The following ZHX3 variants were observed in gnomAD, a reference collection of about 807,000 sequenced individuals.
The protein encoded by ZHX3 is zinc fingers and homeoboxes 3.
In ZHX3, 20 loss-of-function variants were observed where a neutral mutation model predicts 64.5. That is an observed-to-expected ratio of 0.31 (90% CI 0.22 to 0.45). The LOEUF is 0.45. ZHX3 is among the 20% of genes least tolerant of loss of function. The pLI is 1.00. For missense variants in ZHX3, 1,041 were observed against 1,195.8 expected, an observed-to-expected ratio of 0.87 and a Z score of 1.91; for synonymous variants, 423 against 461.6, an observed-to-expected ratio of 0.92 and a Z score of 1.07.
chr20:41,254,923 C>G (rs1183802436), intron 2 of ZHX3, among the ~76,000 whole-genome samples: 3 of 151,974 alleles, frequency 2.0e-5, no homozygotes, highest in Admixed American at 6.6e-5. Context: ...AGGAAAGGTA[C>G]TACAATGGGC....
At chr20:41,205,382 T>C (rs1189851564) in intron 2 of ZHX3, among the ~76,000 whole-genome samples, 1 of 152,186 alleles carries the variant, frequency 6.6e-6, no homozygotes, top group Non-Finnish European at 1.5e-5. Flanking sequence ...TTTTTGGACC[T>C]CCAAATTAAT....
At chr20:41,258,930 A>G (rs1486951483) in intron 2 of ZHX3, among the ~76,000 whole-genome samples, 1 of 152,024 alleles carries the variant, frequency 6.6e-6, no homozygotes, top group African/African-American at 2.4e-5. Flanking sequence ...TCCCCTAACT[A>G]TTTCTGCCAC....
At chr20:41,256,373 T>TC (rs938760509) in intron 2 of ZHX3, among the ~76,000 whole-genome samples, 2 of 151,236 alleles carry the variant, frequency 1.3e-5, no homozygotes, top group African/African-American at 4.9e-5. Flanking sequence ...ATTGAGAATT[T>TC]TTTTATATTC....
In ZHX3 at chr20:41,185,558, T is replaced by C. The variant is rs944340387; in HGVS notation, c.2861-357A>G. ...AGTCCTGTCCTAAAATGCTTCATCC[T>C]GCCCTCTCCTTCCAGGCTCTCCAGA... On this transcript the variant is annotated intron_variant, in intron 3 of 3. Transcript: ENST00000683867. The surrounding 1 kb of genome is among the most constrained non-coding windows in gnomAD (Gnocchi z 5.0). 1.6e-5 allele frequency: 7 copies of C among 429,454 alleles called. No homozygotes were observed. Among genetic ancestry groups the C allele is most frequent in the African/African-American group, 1.4e-4 (7 of 50,524 alleles). 26.6% of individuals were successfully genotyped at this position (429,454 alleles called of 1,614,324 possible). A position where few individuals can be genotyped will look rare whatever the true frequency, so the allele number is the denominator to read the frequency against.
At chr20:41,261,448 C>T (rs1353170531) in intron 2 of ZHX3, among the ~76,000 whole-genome samples, 1 of 152,198 alleles carries the variant, frequency 6.6e-6, no homozygotes, top group Non-Finnish European at 1.5e-5. Context: ...TGCCTCCTGA[C>T]TCCAGAGGGA....
intron 1 of ZHX3, among the ~76,000 whole-genome samples, chr20:41,308,238 G>C (rs1322577589): frequency 6.6e-6 from 1 of 152,182 alleles, no homozygotes; most frequent in Non-Finnish European, 1.5e-5. Context: ...CTTGCAAAAT[G>C]AAAGTTCTGG....
At chr20:41,304,117 T>C (rs758963932) in intron 1 of ZHX3, among the ~76,000 whole-genome samples, 2 of 152,220 alleles carry the variant, frequency 1.3e-5, no homozygotes, top group African/African-American at 4.8e-5. Flanking sequence ...CCATTCTCTC[T>C]TGATCTTCCC....
In ZHX3 at chr20:41,184,156, C is replaced by G. The variant is rs1480296199; in HGVS notation, c.*1035G>C. 1 of 152,214 alleles carries G rather than the reference C, an allele frequency of 6.6e-6. No individual in the cohort carries two copies. The highest frequency in any genetic ancestry group is 1.5e-5 in the Non-Finnish European group (1 of 68,050). 9.4% of individuals were successfully genotyped at this position (152,214 alleles called of 1,614,324 possible). A position where few individuals can be genotyped will look rare whatever the true frequency, so the allele number is the denominator to read the frequency against. On this transcript the variant is annotated 3_prime_UTR_variant, in exon 4 of 4. Coordinates refer to ENST00000683867, the MANE Select transcript of ZHX3 (RefSeq NM_001384317.1). ...TCAACAAATCCCTCCAGCCTTCACC[C>G]TTACTAATGGGCCAGTGTGTTATTC...
In ZHX3 at chr20:41,202,404, C is replaced by T. The variant is rs1159911088; in HGVS notation, c.2513G>A (p.Gly838Glu). The T allele has an allele frequency of 6.2e-6, 10 of 1,614,124 alleles. No individual in the cohort carries two copies. The highest frequency in any genetic ancestry group is 3.3e-5 in the Admixed American group (2 of 60,014). Residue 838 changes from glycine to glutamate, a missense_variant, in exon 3 of 4, where the codon GGG (glycine) becomes GAG (glutamate). Physicochemically the swap from Gly to Glu is moderately conservative, Grantham distance 98. Coordinates refer to ENST00000683867, the MANE Select transcript of ZHX3 (RefSeq NM_001384317.1). The surrounding 1 kb of genome is among the most constrained non-coding windows in gnomAD (Gnocchi z 7.0). Reference sequence around the variant, plus strand: ...GTTGCCAGGGGCAATGACCAGTAGCCCTGGTGGGAAGTTGCCTCGCTTATA... The same window carrying T: ...GTTGCCAGGGGCAATGACCAGTAGCTCTGGTGGGAAGTTGCCTCGCTTATA... ...EDYKRGNFPP[G>E]LLVIAPGNRE...
At position 41,180,427 on chromosome 20, in the gene ZHX3, C is replaced by T. The variant is rs1366475853; in HGVS notation, c.*4764G>A. 1 of 152,324 alleles carries T rather than the reference C, an allele frequency of 6.6e-6. No homozygotes were observed. The highest frequency in any genetic ancestry group is 1.5e-5 in the Non-Finnish European group (1 of 68,130). The allele number at this position is 152,324 out of a possible 1,614,324, so 9.4% of individuals were successfully genotyped here. On this transcript the variant is annotated 3_prime_UTR_variant, in exon 4 of 4. Transcript: ENST00000683867. ...CATCCCCAGCCTCTGGGTTCCCTCC[C>T]CTGCTCTAGACTTCAGGGCAGTTAG...
At position 41,188,934 on chromosome 20, in the gene ZHX3, G is replaced by A. The variant is rs539182070; in HGVS notation, c.2861-3733C>T. ...AAATCGTTGCTCAGACCAATGTCCT[G>A]AAGTGTTCTGCACTGTTTTCTTCTA... On this transcript the variant is annotated intron_variant, in intron 3 of 3. Transcript: ENST00000683867. Among the ~76,000 whole-genome samples, 117 of 152,236 alleles carry A rather than the reference G, an allele frequency of 7.7e-4. 2 individuals are homozygous for A. The highest frequency in any genetic ancestry group is 2.8e-3 in the African/African-American group (115 of 41,546).
In ZHX3 at chr20:41,317,656, G is replaced by A. The variant is rs892145499; in HGVS notation, c.-392C>T. ...CCGGAGCCGCGGACTGCTGAGCGGC[G>A]GGGACGCAGCTGCACCAACCGACTC... On this transcript the variant is annotated 5_prime_UTR_variant, in exon 1 of 4. Coordinates refer to ENST00000683867, the MANE Select transcript of ZHX3 (RefSeq NM_001384317.1). 2 of 150,636 alleles carry A rather than the reference G, an allele frequency of 1.3e-5. No homozygotes were observed. Among genetic ancestry groups the A allele is most frequent in the African/African-American group, 2.4e-5 (1 of 41,260 alleles). The allele number at this position is 150,636 out of a possible 1,614,324, so 9.3% of individuals were successfully genotyped here.
At chr20:41,251,773 A>T (rs6029591) in intron 2 of ZHX3, among the ~76,000 whole-genome samples, 1 of 152,182 alleles carries the variant, frequency 6.6e-6, no homozygotes, top group Non-Finnish European at 1.5e-5. Flanking sequence ...TTTTTGATAC[A>T]GAAAAATATT....
At chr20:41,249,978 C>T (rs1279640793) in intron 2 of ZHX3, among the ~76,000 whole-genome samples, 1 of 152,110 alleles carries the variant, frequency 6.6e-6, no homozygotes, top group African/African-American at 2.4e-5. Context: ...CCGACAATAC[C>T]AAGCCAGCTG....
chr20:41,269,971 C>G (rs908420629), intron 1 of ZHX3, among the ~76,000 whole-genome samples: 1 of 152,108 alleles, frequency 6.6e-6, no homozygotes, highest in African/African-American at 2.4e-5. Flanking sequence ...TAGCTTTACA[C>G]TGCATCAGGG....
intron 3 of ZHX3, among the ~76,000 whole-genome samples, chr20:41,190,449 G>C (rs1261516523): frequency 6.6e-6 from 1 of 152,198 alleles, no homozygotes; most frequent in Non-Finnish European, 1.5e-5. Context: ...GGAATTACAG[G>C]CATGAGCCAC....
chr20:41,244,786 A>G (rs1043967458), intron 2 of ZHX3, among the ~76,000 whole-genome samples: 1 of 152,168 alleles, frequency 6.6e-6, no homozygotes, highest in East Asian at 1.9e-4. Context: ...TTGGAGAGGA[A>G]CTGGATAAGG....
rs1423075192 is a variant in ZHX3, at chr20:41,182,497, T to A, written c.*2694A>T. ...CTGCCACTGGGCTAGTGTGGGTGTG[T>A]CTCTGTGCACGACTGGCTGGATTCA... On this transcript the variant is annotated 3_prime_UTR_variant, in exon 4 of 4. Coordinates refer to ENST00000683867, the MANE Select transcript of ZHX3 (RefSeq NM_001384317.1). This position sits in a 1 kb window ranked among gnomAD's most constrained non-coding sequence, Gnocchi z 6.1. 6.6e-6 allele frequency: 1 copy of A among 152,268 alleles called. No homozygotes were observed. The highest frequency in any genetic ancestry group is 1.5e-5 in the Non-Finnish European group (1 of 68,074). 9.4% of individuals were successfully genotyped at this position (152,268 alleles called of 1,614,324 possible).
Position 41,184,585 on chromosome 20 carries a change from G to A in ZHX3, c.*606C>T, listed in dbSNP as rs571073350. 187 of 299,504 alleles carry A rather than the reference G, an allele frequency of 6.2e-4. 5 individuals are homozygous for A. In the South Asian group the frequency reaches 6.8e-3, roughly 11 times the overall value. The allele number at this position is 299,504 out of a possible 1,614,324, so 18.6% of individuals were successfully genotyped here. A position where few individuals can be genotyped will look rare whatever the true frequency, so the allele number is the denominator to read the frequency against. ...AGGCAAAGCAAGCCTGACATGAAAC[G>A]TAGCCGGTCATCACTTAATGCAGCA... On this transcript the variant is annotated 3_prime_UTR_variant, in exon 4 of 4. Transcript: ENST00000683867.
Sources: allele counts gnomAD v4.1 joint callset (sites outside exome capture counted in the v4.1 genomes callset), GRCh38; gene constraint gnomAD v4.1.1; non-coding constraint Gnocchi (gnomAD v3.1); transcripts MANE v1.5; gene names NCBI Gene and HGNC (gene_info 2026-07-23, HGNC 2026-07-21).